RARB: variants seen among roughly 807,000 people sequenced by gnomAD.
RARB encodes retinoic acid receptor beta, also known as HBV-activated protein.
A neutral mutation model predicts 51.9 loss-of-function variants in RARB; 17 were observed. That is an observed-to-expected ratio of 0.33 (90% CI 0.22 to 0.49). The LOEUF (loss-of-function observed/expected upper bound fraction) is 0.49, where lower values mean the gene tolerates loss of function less well. RARB is among the 20% of genes least tolerant of loss of function. RARB has a pLI of 0.99. For missense variants in RARB, 369 were observed against 550.8 expected, an observed-to-expected ratio of 0.67 and a Z score of 3.30; for synonymous variants, 215 against 195.4, an observed-to-expected ratio of 1.10 and a Z score of -0.84.
chr3:24,894,283 C>T (rs1355033942), intron 2 of RARB, among the ~76,000 whole-genome samples: 1 of 148,318 alleles, frequency 6.7e-6, no homozygotes, highest in Non-Finnish European at 1.5e-5. Context: ...CCCCGCCCTG[C>T]CTCTCTCTAC....
At chr3:25,569,699 C>T in intron 3 of RARB, 59 bp from the exon 4 acceptor site, 1 of 1,557,066 alleles carries the variant, frequency 6.4e-7, no homozygotes, top group African/African-American at 1.4e-5. Context: ...AACCTCCCAG[C>T]TCAGGAGCAC....
chr3:25,479,534 C>T (rs1321441561), intron 2 of RARB, among the ~76,000 whole-genome samples: 1 of 152,066 alleles, frequency 6.6e-6, no homozygotes, highest in African/African-American at 2.4e-5. Flanking sequence ...TGTTCGAATC[C>T]TTATAAGTAC....
At chr3:25,515,429 A>G (rs1187076750) in intron 3 of RARB, among the ~76,000 whole-genome samples, 1 of 152,226 alleles carries the variant, frequency 6.6e-6, no homozygotes, top group Non-Finnish European at 1.5e-5. Context: ...AACATACTCA[A>G]TAGAAATGAG....
chr3:24,991,369 G>A (rs946933303), intron 2 of RARB, among the ~76,000 whole-genome samples: 4 of 151,860 alleles, frequency 2.6e-5, no homozygotes, highest in Admixed American at 2.6e-4. Flanking sequence ...CTTGAACCTG[G>A]GAGGTAGAGG....
chr3:25,587,140 C>T (rs1233595369), intron 5 of RARB, among the ~76,000 whole-genome samples: 1 of 151,974 alleles, frequency 6.6e-6, no homozygotes, highest in African/African-American at 2.4e-5. Flanking sequence ...AGCTCCTCCC[C>T]ATTCAGGTTG....
chr3:25,035,229 C>T (rs1379450209), intron 2 of RARB, among the ~76,000 whole-genome samples: 5 of 152,002 alleles, frequency 3.3e-5, no homozygotes, highest in African/African-American at 1.2e-4. Flanking sequence ...TCAAGCAATC[C>T]TCCCACCTCA....
intron 1 of RARB, among the ~76,000 whole-genome samples, chr3:25,447,133 T>C (rs534257032): frequency 6.6e-6 from 1 of 152,366 alleles, no homozygotes; most frequent in African/African-American, 2.4e-5. Context: ...CCATATAAAG[T>C]GTGCTGTTGG....
At chr3:25,242,349 C>T (rs568036228) in intron 5 of RARB, among the ~76,000 whole-genome samples, 25 of 152,126 alleles carry the variant, frequency 1.6e-4, no homozygotes, top group Non-Finnish European at 3.1e-4. Flanking sequence ...GTTGACATTG[C>T]TTTTGGTGTT....
intron 4 of RARB, among the ~76,000 whole-genome samples, chr3:25,161,403 A>AT (rs1349454419): frequency 1.3e-5 from 2 of 152,064 alleles, no homozygotes; most frequent in Non-Finnish European, 2.9e-5. Flanking sequence ...ATATGAGGTA[A>AT]TGTTCTCAGG....
Position 25,594,434 on chromosome 3 carries a change from T to C in RARB, c.992-86T>C, listed in dbSNP as rs758378671. The stretch of plus-strand genomic sequence containing the variant: ...TAATTGAATTACCAAATTAATGAAC[T>C]CATAACAGTAGGAATAAGGAAACAA... On this transcript the variant is annotated intron_variant, in intron 6 of 7. Coordinates refer to ENST00000330688, the MANE Select transcript of RARB (RefSeq NM_000965.5). 8 of 1,348,120 alleles carry C rather than the reference T, an allele frequency of 5.9e-6. No individual in the cohort carries two copies. In the Admixed American group the frequency reaches 7.3e-5, roughly 12 times the overall value. The allele number at this position is 1,348,120 out of a possible 1,614,324, so 83.5% of individuals were successfully genotyped here.
intron 2 of RARB, among the ~76,000 whole-genome samples, chr3:24,875,604 T>A (rs2125352624): frequency 6.6e-6 from 1 of 152,228 alleles, no homozygotes; most frequent in South Asian, 2.1e-4. Flanking sequence ...CTTCAAAATG[T>A]TGTTTTAGTG....
At chr3:24,920,504 T>G (rs1450185606) in intron 2 of RARB, among the ~76,000 whole-genome samples, 2 of 152,208 alleles carry the variant, frequency 1.3e-5, no homozygotes, top group African/African-American at 2.4e-5. Flanking sequence ...TGTAAGGTTT[T>G]GGAAGTTAGG....
chr3:24,875,285 C>CT (rs1703021265), intron 2 of RARB, among the ~76,000 whole-genome samples: 1 of 152,088 alleles, frequency 6.6e-6, no homozygotes, highest in African/African-American at 2.4e-5. Flanking sequence ...TGTATTCAGG[C>CT]TTAAATACTT....
At chr3:25,238,693 T>C (rs1029376573) in intron 5 of RARB, among the ~76,000 whole-genome samples, 1 of 152,138 alleles carries the variant, frequency 6.6e-6, no homozygotes, top group African/African-American at 2.4e-5. Flanking sequence ...TTTTTAATAA[T>C]ACCTGTGGGC....
intron 5 of RARB, among the ~76,000 whole-genome samples, chr3:25,400,210 T>C (rs182449575): frequency 3.5e-4 from 54 of 152,310 alleles, no homozygotes; most frequent in Admixed American, 3.1e-3. Context: ...GACAGGATCC[T>C]GGAGAGAAGG....
At chr3:25,268,438 G>A (rs1162030632) in intron 5 of RARB, among the ~76,000 whole-genome samples, 1 of 151,584 alleles carries the variant, frequency 6.6e-6, no homozygotes, top group Non-Finnish European at 1.5e-5. Flanking sequence ...AAGTGGATCT[G>A]TGTTTTTCAT....
intron 3 of RARB, among the ~76,000 whole-genome samples, chr3:25,074,715 T>C (rs896283271): frequency 6.6e-6 from 1 of 152,216 alleles, no homozygotes; most frequent in African/African-American, 2.4e-5. Flanking sequence ...ACTATCACAC[T>C]GTACCACTGA....
chr3:25,106,070 A>G (rs2125323262), intron 3 of RARB, among the ~76,000 whole-genome samples: 1 of 152,292 alleles, frequency 6.6e-6, no homozygotes, highest in African/African-American at 2.4e-5. Context: ...AGCCTAGGCA[A>G]CAACTTGTGA....
chr3:25,358,895 G>A (rs1705835249), intron 5 of RARB, among the ~76,000 whole-genome samples: 1 of 151,728 alleles, frequency 6.6e-6, no homozygotes, highest in South Asian at 2.1e-4. Context: ...ATTTTATTGA[G>A]GATTTTCGCA....
Sources: allele counts gnomAD v4.1 joint callset (sites outside exome capture counted in the v4.1 genomes callset), GRCh38; gene constraint gnomAD v4.1.1; transcripts MANE v1.5; gene names NCBI Gene and HGNC (gene_info 2026-07-23, HGNC 2026-07-21).